Variants in LSAMP observed in about 807,000 individuals in gnomAD.
The protein encoded by LSAMP is limbic system-associated membrane protein.
Under a neutral mutation model 38.6 loss-of-function variants are expected in LSAMP, and 7 were observed. The observed-to-expected ratio is 0.18, with a 90% CI of 0.10 to 0.34. The LOEUF (loss-of-function observed/expected upper bound fraction) is 0.34. Among genes scored for constraint, LSAMP ranks in the 10% least tolerant of loss-of-function variants. The pLI, the probability that LSAMP is intolerant of heterozygous loss-of-function variation, is 1.00. For synonymous variants in LSAMP, 154 were observed against 166.8 expected, an observed-to-expected ratio of 0.92 and a Z score of 0.59; for missense variants, 313 against 420.0, an observed-to-expected ratio of 0.75 and a Z score of 2.23.
chr3:116,343,641 T>C (rs187448246), intron 1 of LSAMP, among the ~76,000 whole-genome samples: 1 of 152,228 alleles, frequency 6.6e-6, no homozygotes, highest in Non-Finnish European at 1.5e-5. Context: ...CCTGGTTCAC[T>C]GATAGCGTGG....
At chr3:116,183,753 A>C (rs973542764) in intron 1 of LSAMP, among the ~76,000 whole-genome samples, 7 of 151,986 alleles carry the variant, frequency 4.6e-5, no homozygotes, top group Admixed American at 4.6e-4. Context: ...GGTTTCTAAG[A>C]GGCAAAGATT....
chr3:116,324,052 C>T (rs1008499681), intron 1 of LSAMP, among the ~76,000 whole-genome samples: 1 of 152,072 alleles, frequency 6.6e-6, no homozygotes, highest in Non-Finnish European at 1.5e-5. Flanking sequence ...TTGTTAAGAC[C>T]AGGAGAACCT....
chr3:115,810,275 AT>A lies in LSAMP; in HGVS notation c.*41del, dbSNP rs756144061. On this transcript the variant is annotated 3_prime_UTR_variant, in exon 7 of 7. Transcript: ENST00000490035. ...TCTCTCTCTGTATTCTGTGTGACGC[AT>A]TTTTGTGTGTTTTTTAAATTATTTT... 7.4e-7 allele frequency: 1 copy of A among 1,353,138 alleles called. No homozygotes were observed. The highest frequency in any genetic ancestry group is 1.3e-5 in the South Asian group (1 of 78,028). 83.8% of individuals were successfully genotyped at this position (1,353,138 alleles called of 1,614,324 possible).
chr3:116,390,130 T>TACAC (rs749911876), intron 1 of LSAMP, among the ~76,000 whole-genome samples: 74 of 131,636 alleles, frequency 5.6e-4, no homozygotes, highest in South Asian at 5.1e-3. Flanking sequence ...TGTATGTATG[T>TACAC]ATACACACAC....
At chr3:116,031,982 G>T (rs1940938184) in intron 2 of LSAMP, among the ~76,000 whole-genome samples, 1 of 152,110 alleles carries the variant, frequency 6.6e-6, no homozygotes, top group African/African-American at 2.4e-5. Context: ...AGCTAGGAGA[G>T]ATAGAATTTC....
intron 3 of LSAMP, among the ~76,000 whole-genome samples, chr3:115,925,329 C>A (rs576996598): frequency 6.6e-6 from 1 of 152,150 alleles, no homozygotes; most frequent in Admixed American, 6.5e-5. Flanking sequence ...CACTTTCTGG[C>A]ACAGAACTCA....
intron 1 of LSAMP, among the ~76,000 whole-genome samples, chr3:116,369,071 A>G (rs879755219): frequency 1.3e-5 from 2 of 152,208 alleles, no homozygotes; most frequent in Non-Finnish European, 2.9e-5. Context: ...GAAATTATAG[A>G]AGAAATAATT....
At chr3:116,270,209 C>G (rs565179506) in intron 1 of LSAMP, among the ~76,000 whole-genome samples, 1 of 151,894 alleles carries the variant, frequency 6.6e-6, no homozygotes, top group African/African-American at 2.4e-5. Context: ...AATTAGTCAC[C>G]GCAGACCCTT....
chr3:115,858,973 C>T (rs1265377441), intron 3 of LSAMP, among the ~76,000 whole-genome samples: 1 of 152,060 alleles, frequency 6.6e-6, no homozygotes, highest in African/African-American at 2.4e-5. Flanking sequence ...TTGCTTTCTT[C>T]CCTGCTTTCC....
intron 1 of LSAMP, among the ~76,000 whole-genome samples, chr3:116,340,142 G>A (rs1445129050): frequency 6.6e-6 from 1 of 152,032 alleles, no homozygotes; most frequent in Non-Finnish European, 1.5e-5. Flanking sequence ...AAACGTGTGT[G>A]ACTTTGGGTA....
At chr3:116,113,416 A>AT (rs1559747952) in intron 1 of LSAMP, among the ~76,000 whole-genome samples, 23 of 67,146 alleles carry the variant, frequency 3.4e-4, no homozygotes, top group African/African-American at 9.7e-4. Context: ...ATATATATAT[A>AT]TATATTTTTT....
At chr3:116,094,441 G>C (rs1037621276) in intron 1 of LSAMP, among the ~76,000 whole-genome samples, 1 of 152,142 alleles carries the variant, frequency 6.6e-6, no homozygotes, top group Non-Finnish European at 1.5e-5. Flanking sequence ...TCTTAGTTTG[G>C]TAATGGTTGA....
intron 2 of LSAMP, among the ~76,000 whole-genome samples, chr3:116,063,374 T>A (rs901581053): frequency 1.3e-5 from 2 of 152,144 alleles, no homozygotes; most frequent in Non-Finnish European, 2.9e-5. Flanking sequence ...TTGTTACTAA[T>A]GGGAAAAAGA....
At chr3:116,217,364 A>C (rs1456385550) in intron 1 of LSAMP, among the ~76,000 whole-genome samples, 4 of 152,210 alleles carry the variant, frequency 2.6e-5, no homozygotes, top group Non-Finnish European at 5.9e-5. Context: ...ATAAAATAAC[A>C]TATATCTGGA....
chr3:116,114,823 T>G (rs1213557053), intron 1 of LSAMP, among the ~76,000 whole-genome samples: 1 of 152,248 alleles, frequency 6.6e-6, no homozygotes, highest in Non-Finnish European at 1.5e-5. Context: ...GTTAGGAATT[T>G]CACATTCCTT....
chr3:115,927,592 T>G (rs570744460), intron 3 of LSAMP, among the ~76,000 whole-genome samples: 72 of 152,198 alleles, frequency 4.7e-4, no homozygotes, highest in Non-Finnish European at 8.4e-4. Flanking sequence ...TTCCTCCTTT[T>G]CTTAACTCTT....
chr3:115,978,050 C>T (rs1939243265), intron 3 of LSAMP, among the ~76,000 whole-genome samples: 1 of 151,922 alleles, frequency 6.6e-6, no homozygotes, highest in South Asian at 2.1e-4. Context: ...TCTCTGTTGC[C>T]CCTGCTGGAG....
chr3:115,960,655 G>A (rs1376308453), intron 3 of LSAMP, among the ~76,000 whole-genome samples: 1 of 152,096 alleles, frequency 6.6e-6, no homozygotes, highest in Non-Finnish European at 1.5e-5. Flanking sequence ...TCTAGCACAT[G>A]GTTGGCATGG....
intron 1 of LSAMP, among the ~76,000 whole-genome samples, chr3:116,150,361 A>G (rs1344676246): frequency 6.6e-6 from 1 of 152,042 alleles, no homozygotes; most frequent in Non-Finnish European, 1.5e-5. Flanking sequence ...CTATTGTCTA[A>G]TAATTGTCTC....
Sources: gnomAD v4.1 joint callset for allele counts (sites outside exome capture counted in the v4.1 genomes callset) on GRCh38, gnomAD v4.1.1 for gene constraint, MANE v1.5 for transcripts, NCBI Gene and HGNC (gene_info 2026-07-23, HGNC 2026-07-21) for gene names.